Variants in ADGRV1 observed in about 807,000 individuals in gnomAD.
ADGRV1 encodes the protein G-protein coupled receptor 98.
A neutral mutation model predicts 596.2 loss-of-function variants in ADGRV1; 359 were observed. The ratio of observed to expected loss-of-function variants is 0.60; its 90% CI spans 0.55 to 0.66. The LOEUF is 0.66. Ranked by LOEUF, ADGRV1 falls within the 30% of genes least tolerant of loss-of-function variation. ADGRV1 has a pLI of 0.00. For missense variants in ADGRV1, 7,274 were observed against 7,575.6 expected (o/e 0.96, Z 1.48); for synonymous variants, 2,681 against 2,679.2 (o/e 1.00, Z -0.02).
At chr5:90,889,628 C>T (rs1770620731) in intron 83 of ADGRV1, among the ~76,000 whole-genome samples, 1 of 151,948 alleles carries the variant, frequency 6.6e-6, no homozygotes, top group South Asian at 2.1e-4. Context: ...CTTTTTTGGT[C>T]AGATAAAAAT....
intron 83 of ADGRV1, among the ~76,000 whole-genome samples, chr5:90,962,322 CTCAT>C (rs904788009): frequency 3.9e-5 from 6 of 152,222 alleles, no homozygotes; most frequent in African/African-American, 1.4e-4. Flanking sequence ...TACTTAAGCA[CTCAT>C]TCATACTGAA....
chr5:91,124,079 A>G (rs1310480391), intron 87 of ADGRV1, among the ~76,000 whole-genome samples: 1 of 152,180 alleles, frequency 6.6e-6, no homozygotes, highest in East Asian at 1.9e-4. Context: ...GAAGGAAGCC[A>G]GGGAGAGTCT....
intron 83 of ADGRV1, among the ~76,000 whole-genome samples, chr5:90,871,310 A>G (rs1312808743): frequency 1.3e-5 from 2 of 152,196 alleles, no homozygotes; most frequent in African/African-American, 2.4e-5. Context: ...ATTTAAGGCT[A>G]CATTTTCCTT....
chr5:90,856,036 G>T (rs1296080367), intron 82 of ADGRV1, 135 bp downstream of exon 82: 1 of 700,044 alleles, frequency 1.4e-6, no homozygotes, highest in Non-Finnish European at 2.4e-6. Context: ...CAAATTTTTC[G>T]TTGTCTTAGT....
chr5:91,072,478 T>C lies in ADGRV1; in HGVS notation c.18184T>C (p.Phe6062Leu). Residue 6062 changes from phenylalanine (F) to leucine (L), a missense_variant, in exon 86 of 90, where the codon TTC becomes CTC. Phe to Leu is a conservative substitution (Grantham distance 22). Transcript: ENST00000405460. ...TATTCCAAACGTCTATGCTGCTTTG[T>C]TCACTGCAGCTCTTGTTCCTTTGAC... ...CFIPNVYAAL[F>L]TAALVPLTCL... is the part of the protein sequence containing the mutation. 6.2e-7 allele frequency: 1 copy of C among 1,613,774 alleles called. No individual in the cohort carries two copies. The highest frequency in any genetic ancestry group is 1.7e-4 in the Middle Eastern group (1 of 6,060).
chr5:90,690,121 T>A, intron 30 of ADGRV1, 45 bp downstream of exon 30: 1 of 1,054,616 alleles, frequency 9.5e-7, no homozygotes, highest in South Asian at 1.4e-5. Context: ...TCTGCATGTA[T>A]AGATCATAGA....
intron 84 of ADGRV1, among the ~76,000 whole-genome samples, chr5:90,981,574 T>A (rs1780079799): frequency 6.6e-6 from 1 of 152,122 alleles, no homozygotes; most frequent in African/African-American, 2.4e-5. Flanking sequence ...GCTCTGCATG[T>A]GCATGGGTGT....
intron 7 of ADGRV1, 60 bp from the exon 8 acceptor site, chr5:90,628,502 T>G: frequency 7.0e-7 from 1 of 1,434,264 alleles, no homozygotes; most frequent in Non-Finnish European, 9.7e-7. Context: ...TTGGGAAAGC[T>G]TATCTAAGGG....
rs377647718 is a variant in ADGRV1, at chr5:90,791,022, G to A, written c.14193G>A (p.Val4731=). The A allele has an allele frequency of 6.2e-7, 1 of 1,613,774 alleles. No individual in the cohort carries two copies. The highest frequency in any genetic ancestry group is 1.3e-5 in the African/African-American group (1 of 74,908). The change falls in exon 70 of 90, where the codon GTG becomes GTA. Residue 4731 remains valine, a synonymous_variant. Coordinates refer to ENST00000405460, the MANE Select transcript of ADGRV1 (RefSeq NM_032119.4). ...TACCTGAGATAGAGGAAGATTATGT[G>A]ATCCAGCTTGTTTCTGTAGAGGGAG... ...DEVPEIEEDY[V]IQLVSVEGGA...
chr5:90,789,912 G>A (rs1035772506), intron 69 of ADGRV1, 61 bp downstream of exon 69: 2 of 1,202,960 alleles, frequency 1.7e-6, no homozygotes, highest in African/African-American at 3.1e-5. Context: ...GGTTAAGAGG[G>A]ACAGGGAAAC....
intron 85 of ADGRV1, among the ~76,000 whole-genome samples, chr5:91,069,752 C>T (rs1788207142): frequency 6.6e-6 from 1 of 152,188 alleles, no homozygotes; most frequent in South Asian, 2.1e-4. Context: ...AATCCCATTA[C>T]TGGATATGTA....
chr5:90,738,345 A>G (rs1753519954), intron 50 of ADGRV1, among the ~76,000 whole-genome samples: 1 of 152,126 alleles, frequency 6.6e-6, no homozygotes, highest in Non-Finnish European at 1.5e-5. Context: ...TTTGCTTTAT[A>G]TAATCACCTT....
Position 90,716,467 on chromosome 5 carries a change from C to T in ADGRV1, c.9185C>T (p.Ala3062Val), listed in dbSNP as rs752689523. The change falls in exon 43 of 90, where the codon GCC becomes GTC. Residue 3062 changes from alanine (A) to valine (V), a missense_variant and splice_region_variant. Coordinates refer to ENST00000405460, the MANE Select transcript of ADGRV1 (RefSeq NM_032119.4). ...TGCTTTAATATTTTTATTTTGGCAG[C>T]CTTAATTATTGTCCTTGCTAATGAT... ...PGLELGKNTI[A>V]LIIVLANDDG... 2.7e-5 allele frequency: 41 copies of T among 1,539,468 alleles called. No homozygotes were observed. In the South Asian group the frequency reaches 4.6e-4, roughly 17 times the overall value.
intron 85 of ADGRV1, among the ~76,000 whole-genome samples, chr5:91,006,965 A>G (rs1303256887): frequency 6.6e-6 from 1 of 152,148 alleles, no homozygotes; most frequent in East Asian, 1.9e-4. Context: ...AGTGCCTGCA[A>G]GCCACATGAA....
At chr5:90,809,448 T>A (rs768974398) in intron 73 of ADGRV1, among the ~76,000 whole-genome samples, 9 of 152,136 alleles carry the variant, frequency 5.9e-5, no homozygotes, top group Admixed American at 1.3e-4. Context: ...ACACAGTTAA[T>A]ATATGTTGGG....
At chr5:91,025,087 A>G (rs998069429) in intron 85 of ADGRV1, among the ~76,000 whole-genome samples, 2 of 152,130 alleles carry the variant, frequency 1.3e-5, no homozygotes, top group African/African-American at 4.8e-5. Context: ...GACCACTCTG[A>G]ATCCATCATC....
Position 90,703,658 on chromosome 5 carries a change from C to T in ADGRV1, c.8156-7C>T. 1 of 1,587,080 alleles carries T rather than the reference C, an allele frequency of 6.3e-7. No individual in the cohort carries two copies. The highest frequency in any genetic ancestry group is 8.6e-7 in the Non-Finnish European group (1 of 1,161,900). The stretch of plus-strand genomic sequence containing the variant: ...AGTATTTATCAATTTACACATTTTA[C>T]TTGCAGGAGAAATTTTACAATTCCA... On this transcript the variant is annotated splice_region_variant and splice_polypyrimidine_tract_variant and intron_variant, in intron 34 of 89. Transcript: ENST00000405460.
At chr5:90,693,805 A>G in intron 32 of ADGRV1, 85 bp from the exon 33 acceptor site, 1 of 1,029,544 alleles carries the variant, frequency 9.7e-7, no homozygotes, top group Non-Finnish European at 1.4e-6. Flanking sequence ...TTAAAAAACT[A>G]AAGACCACAG....
chr5:90,916,631 ATT>A (rs11407284), intron 83 of ADGRV1, among the ~76,000 whole-genome samples: 3 of 124,682 alleles, frequency 2.4e-5, no homozygotes, highest in African/African-American at 6.1e-5. Context: ...GCGTTCACAA[ATT>A]TTTTTTTTTT....
Sources: gnomAD v4.1 joint callset for allele counts (sites outside exome capture counted in the v4.1 genomes callset) on GRCh38, gnomAD v4.1.1 for gene constraint, MANE v1.5 for transcripts, NCBI Gene and HGNC (gene_info 2026-07-23, HGNC 2026-07-21) for gene names.